The following NRG1 variants were observed in gnomAD, a reference collection of about 807,000 sequenced individuals.
The protein encoded by NRG1 is pro-neuregulin-1, membrane-bound isoform.
A neutral mutation model predicts 63.8 loss-of-function variants in NRG1; 18 were observed. The ratio of observed to expected loss-of-function variants is 0.28; its 90% CI spans 0.19 to 0.42. The LOEUF (loss-of-function observed/expected upper bound fraction) is 0.42. Among genes scored for constraint, NRG1 ranks in the 10% least tolerant of loss-of-function variants. NRG1 has a pLI of 1.00. For missense variants in NRG1, 762 were observed against 814.7 expected (o/e 0.94, Z 0.79); for synonymous variants, 302 against 301.3 (o/e 1.00, Z -0.02).
chr8:32,037,479 A>C (rs763361397), intron 1 of NRG1, among the ~76,000 whole-genome samples: 5 of 152,212 alleles, frequency 3.3e-5, no homozygotes, highest in Non-Finnish European at 5.9e-5. Flanking sequence ...ACTCAGGAGA[A>C]TCCGCCTCAT....
At chr8:31,830,960 G>A (rs1043689943) in intron 1 of NRG1, among the ~76,000 whole-genome samples, 4 of 152,122 alleles carry the variant, frequency 2.6e-5, no homozygotes, top group Admixed American at 1.3e-4. Flanking sequence ...ACTGTATGGA[G>A]AGGAATGGAT....
intron 1 of NRG1, among the ~76,000 whole-genome samples, chr8:32,240,002 A>T (rs528709859): frequency 1.3e-5 from 2 of 152,240 alleles, no homozygotes; most frequent in African/African-American, 4.8e-5. Context: ...CTTGCTTCTT[A>T]TAAAACTAAA....
At chr8:32,362,655 A>G (rs7837246) in intron 1 of NRG1, among the ~76,000 whole-genome samples, 1 of 152,146 alleles carries the variant, frequency 6.6e-6, no homozygotes, top group Non-Finnish European at 1.5e-5. Context: ...TCAAGCAGAG[A>G]TTCTCTTCTC....
intron 5 of NRG1, among the ~76,000 whole-genome samples, chr8:32,711,491 G>A (rs939374544): frequency 6.6e-6 from 1 of 152,074 alleles, no homozygotes; most frequent in Non-Finnish European, 1.5e-5. Context: ...CATTATCAAT[G>A]CCAAACACCT....
At chr8:32,255,743 G>T (rs1849627858) in intron 1 of NRG1, among the ~76,000 whole-genome samples, 1 of 152,156 alleles carries the variant, frequency 6.6e-6, no homozygotes, top group South Asian at 2.1e-4. Context: ...TCCTGAATTT[G>T]AATGTTGGCC....
chr8:31,777,875 C>T (rs1427350358), intron 1 of NRG1, among the ~76,000 whole-genome samples: 1 of 152,086 alleles, frequency 6.6e-6, no homozygotes, highest in Admixed American at 6.5e-5. Flanking sequence ...GAGGATAGCA[C>T]CAAGCCATTC....
At chr8:32,750,328 G>A (rs1347769356) in intron 7 of NRG1, among the ~76,000 whole-genome samples, 1 of 152,122 alleles carries the variant, frequency 6.6e-6, no homozygotes, top group African/African-American at 2.4e-5. Flanking sequence ...AAATATATGA[G>A]TATACAAAAT....
chr8:31,961,962 C>G (rs770129005), intron 1 of NRG1, among the ~76,000 whole-genome samples: 18 of 147,246 alleles, frequency 1.2e-4, no homozygotes, highest in Non-Finnish European at 2.6e-4. Context: ...TTATCCATAT[C>G]TGTTTCCTTC....
At chr8:32,003,642 T>C (rs1813296874) in intron 1 of NRG1, among the ~76,000 whole-genome samples, 1 of 152,054 alleles carries the variant, frequency 6.6e-6, no homozygotes, top group Non-Finnish European at 1.5e-5. Flanking sequence ...ATTTGAAGAA[T>C]ATTGTATTCA....
intron 1 of NRG1, among the ~76,000 whole-genome samples, chr8:31,737,275 C>A (rs1814775369): frequency 6.6e-6 from 1 of 152,040 alleles, no homozygotes; most frequent in South Asian, 2.1e-4. Flanking sequence ...TAGGATTTTT[C>A]CCCAAATCCA....
At chr8:32,389,360 G>T (rs1563396802) in intron 1 of NRG1, among the ~76,000 whole-genome samples, 1 of 152,166 alleles carries the variant, frequency 6.6e-6, no homozygotes, top group Non-Finnish European at 1.5e-5. Context: ...GCAGAACTGG[G>T]TTCAACCTGT....
At chr8:32,062,907 G>T (rs528960500) in intron 1 of NRG1, among the ~76,000 whole-genome samples, 15 of 152,010 alleles carry the variant, frequency 9.9e-5, no homozygotes, top group Admixed American at 8.5e-4. Context: ...CTGTGTATTA[G>T]GTTGAGATTA....
intron 1 of NRG1, among the ~76,000 whole-genome samples, chr8:32,081,064 C>G (rs114348176): frequency 6.6e-6 from 1 of 151,964 alleles, no homozygotes; most frequent in Non-Finnish European, 1.5e-5. Context: ...TTGCTTGACT[C>G]GAAGTTCATT....
chr8:32,695,728 A>C (rs1269329453), intron 5 of NRG1, among the ~76,000 whole-genome samples: 1 of 152,178 alleles, frequency 6.6e-6, no homozygotes, highest in Non-Finnish European at 1.5e-5. Context: ...GGTCAGAACG[A>C]CCTTCTTTTT....
intron 1 of NRG1, among the ~76,000 whole-genome samples, chr8:32,252,726 G>A (rs541442750): frequency 4.0e-4 from 61 of 152,270 alleles, no homozygotes; most frequent in African/African-American, 1.3e-3. Flanking sequence ...ATCTAATTCT[G>A]TGAAGAAAGT....
chr8:31,947,595 A>ACT (rs1390346669), intron 1 of NRG1, among the ~76,000 whole-genome samples: 1 of 152,080 alleles, frequency 6.6e-6, no homozygotes, highest in African/African-American at 2.4e-5. Context: ...GCAAACACAC[A>ACT]CCTTCATGAT....
At chr8:31,963,412 ATTT>A (rs1242265730) in intron 1 of NRG1, among the ~76,000 whole-genome samples, 1 of 152,144 alleles carries the variant, frequency 6.6e-6, no homozygotes. Flanking sequence ...GTATCCAGTG[ATTT>A]TTAGATACAT....
At chr8:31,724,537 A>G (rs1813236572) in intron 1 of NRG1, among the ~76,000 whole-genome samples, 1 of 152,132 alleles carries the variant, frequency 6.6e-6, no homozygotes, top group Non-Finnish European at 1.5e-5. Flanking sequence ...TCACAAACTA[A>G]AATACTCTGA....
At chr8:32,769,107 T>C (rs78218739), downstream of NRG1, among the ~76,000 whole-genome samples, 2,555 of 152,310 alleles carry the variant, frequency 0.017, 78 homozygotes, top group African/African-American at 0.058. Context: ...ACTCTTTCAC[T>C]TGCTCTATAG....
Sources: gnomAD v4.1 joint callset for allele counts (sites outside exome capture counted in the v4.1 genomes callset) on GRCh38, gnomAD v4.1.1 for gene constraint, MANE v1.5 for transcripts, NCBI Gene and HGNC (gene_info 2026-07-23, HGNC 2026-07-21) for gene names.